FBXL7: variants seen among roughly 807,000 people sequenced by gnomAD.
FBXL7 encodes the protein F-box and leucine rich repeat protein 7, also known as F-box/LRR-repeat protein 7.
In FBXL7, 12 loss-of-function variants were observed where a neutral mutation model predicts 38.3. The ratio of observed to expected loss-of-function variants is 0.31; its 90% CI spans 0.20 to 0.51. FBXL7 has a LOEUF of 0.51. Ranked by LOEUF, FBXL7 falls within the 20% of genes least tolerant of loss-of-function variation. The pLI is 0.98. For missense variants in FBXL7, 567 were observed against 676.4 expected (o/e 0.84, Z 1.79); for synonymous variants, 297 against 300.9 (o/e 0.99, Z 0.13).
At chr5:15,779,473 A>G (rs867528681) in intron 2 of FBXL7, among the ~76,000 whole-genome samples, 1 of 152,124 alleles carries the variant, frequency 6.6e-6, no homozygotes. Context: ...ACTAGAGTAC[A>G]TAAATGAAAT....
rs56795994 is a variant in FBXL7, at chr5:15,712,352, GAAAA to G, written c.127+96292_127+96295del. The stretch of plus-strand genomic sequence containing the variant: ...AATGATGCTGACAATTTAAAATAGT[GAAAA>G]AAAAAAAAAAACCTAAAACGACAGC... On this transcript the variant is annotated intron_variant, in intron 2 of 3. Transcript: ENST00000504595. 1.9e-3 allele frequency among the ~76,000 whole-genome samples: 272 copies of G among 140,918 alleles called. 1 individual carries two copies. Among genetic ancestry groups the G allele is most frequent in the African/African-American group, 4.8e-3 (185 of 38,298 alleles). The allele number at this position is 140,918 out of a possible 152,430, so 92.4% of individuals were successfully genotyped here.
At chr5:15,669,603 C>T (rs1212750744) in intron 2 of FBXL7, among the ~76,000 whole-genome samples, 3 of 152,178 alleles carry the variant, frequency 2.0e-5, no homozygotes, top group Admixed American at 2.0e-4. Flanking sequence ...ATCAGCCCTG[C>T]ATCTTGTTCT....
chr5:15,639,946 T>C (rs1741304719), intron 2 of FBXL7, among the ~76,000 whole-genome samples: 1 of 152,050 alleles, frequency 6.6e-6, no homozygotes, highest in African/African-American at 2.4e-5. Flanking sequence ...CTGTAGACTG[T>C]AGAAAGGTCT....
chr5:15,600,162 G>C (rs1291858616), intron 1 of FBXL7, among the ~76,000 whole-genome samples: 1 of 152,234 alleles, frequency 6.6e-6, no homozygotes, highest in Non-Finnish European at 1.5e-5. Flanking sequence ...AGGTGAAGCA[G>C]AGGACATGAA....
At chr5:15,932,050 T>A (rs1343706278) in intron 3 of FBXL7, among the ~76,000 whole-genome samples, 1 of 152,218 alleles carries the variant, frequency 6.6e-6, no homozygotes, top group Non-Finnish European at 1.5e-5. Context: ...TTTGCACTTT[T>A]ATGACATTGT....
At position 15,719,883 on chromosome 5, in the gene FBXL7, A is replaced by T. The variant is rs1744145526; in HGVS notation, c.127+103811A>T. 1.3e-5 allele frequency among the ~76,000 whole-genome samples: 2 copies of T among 148,904 alleles called. 1 individual carries two copies. Among genetic ancestry groups the T allele is most frequent in the Admixed American group, 1.4e-4 (2 of 14,736 alleles). ...ACCTTGGAAAGGAGAGAGAACAACC[A>T]TGAAAGACATTTGGAAGTAATAAGG... On this transcript the variant is annotated intron_variant, in intron 2 of 3. Transcript: ENST00000504595.
chr5:15,791,203 C>T (rs1190852548), intron 2 of FBXL7, among the ~76,000 whole-genome samples: 1 of 152,140 alleles, frequency 6.6e-6, no homozygotes, highest in Non-Finnish European at 1.5e-5. Context: ...GTGTCAAGCT[C>T]TTACTTAGTA....
chr5:15,871,137 C>A (rs1019628287), intron 2 of FBXL7, among the ~76,000 whole-genome samples: 1 of 152,244 alleles, frequency 6.6e-6, no homozygotes, highest in African/African-American at 2.4e-5. Context: ...ATCTGCTGTT[C>A]TGCAGCCTCT....
intron 2 of FBXL7, among the ~76,000 whole-genome samples, chr5:15,722,273 C>T (rs1015732550): frequency 3.9e-5 from 6 of 152,074 alleles, no homozygotes; most frequent in African/African-American, 1.2e-4. Context: ...CATAACCACC[C>T]GGAATGCCAG....
chr5:15,570,403 C>G (rs917806498), intron 1 of FBXL7, among the ~76,000 whole-genome samples: 12 of 152,060 alleles, frequency 7.9e-5, no homozygotes, highest in East Asian at 1.9e-4. Context: ...ATTCTCTGAT[C>G]GTAGTTTGTA....
intron 1 of FBXL7, among the ~76,000 whole-genome samples, chr5:15,536,389 C>T (rs1050579441): frequency 6.6e-6 from 1 of 152,196 alleles, no homozygotes; most frequent in African/African-American, 2.4e-5. Flanking sequence ...GCACTCAATG[C>T]CAGCCCATGA....
chr5:15,562,731 C>T (rs1738449485), intron 1 of FBXL7, among the ~76,000 whole-genome samples: 1 of 152,018 alleles, frequency 6.6e-6, no homozygotes. Flanking sequence ...TCCCCTCCTC[C>T]TTCCCTCTTT....
chr5:15,724,726 G>A (rs188687032), intron 2 of FBXL7, among the ~76,000 whole-genome samples: 1 of 152,190 alleles, frequency 6.6e-6, no homozygotes, highest in African/African-American at 2.4e-5. Flanking sequence ...AATGAATATT[G>A]GATGTTTTTA....
intron 2 of FBXL7, among the ~76,000 whole-genome samples, chr5:15,691,193 C>T (rs537103632): frequency 3.3e-5 from 5 of 152,278 alleles, no homozygotes; most frequent in South Asian, 2.1e-4. Flanking sequence ...GTGCACATCC[C>T]GCTTGATGGG....
chr5:15,903,912 T>G (rs1466035912), intron 2 of FBXL7, among the ~76,000 whole-genome samples: 1 of 152,166 alleles, frequency 6.6e-6, no homozygotes, highest in Non-Finnish European at 1.5e-5. Flanking sequence ...TGGCTTTCTT[T>G]TTATGTAACT....
intron 1 of FBXL7, among the ~76,000 whole-genome samples, chr5:15,560,662 A>T (rs1028536846): frequency 1.3e-5 from 2 of 152,178 alleles, no homozygotes; most frequent in Non-Finnish European, 2.9e-5. Flanking sequence ...TATGCCCGTG[A>T]CCCAGCTTAA....
At chr5:15,872,610 A>AG (rs1269370563) in intron 2 of FBXL7, among the ~76,000 whole-genome samples, 9 of 152,160 alleles carry the variant, frequency 5.9e-5, no homozygotes, top group African/African-American at 1.7e-4. Flanking sequence ...ATGTAAAGCA[A>AG]GAAAAAAAAC....
At chr5:15,898,753 G>A (rs371927464) in intron 2 of FBXL7, among the ~76,000 whole-genome samples, 3 of 152,136 alleles carry the variant, frequency 2.0e-5, no homozygotes, top group East Asian at 1.9e-4. Flanking sequence ...ATAGAAAAAC[G>A]GCAGCTCAGA....
At chr5:15,806,794 C>T (rs1182104524) in intron 2 of FBXL7, among the ~76,000 whole-genome samples, 3 of 152,154 alleles carry the variant, frequency 2.0e-5, no homozygotes, top group Non-Finnish European at 4.4e-5. Flanking sequence ...CTAAGGAATG[C>T]GGCAGAAGCA....
Sources: allele counts gnomAD v4.1 joint callset (sites outside exome capture counted in the v4.1 genomes callset), GRCh38; gene constraint gnomAD v4.1.1; transcripts MANE v1.5; gene names NCBI Gene and HGNC (gene_info 2026-07-23, HGNC 2026-07-21).